KRTCAP2: variants seen among roughly 807,000 people sequenced by gnomAD.
KRTCAP2 encodes keratinocyte associated protein 2.
Under a neutral mutation model 16.5 loss-of-function variants are expected in KRTCAP2, and 10 were observed. The observed-to-expected ratio is 0.60, with a 90% CI of 0.37 to 1.02. The LOEUF (loss-of-function observed/expected upper bound fraction) is 1.02. Among genes scored for constraint, KRTCAP2 ranks in the 50% least tolerant of loss-of-function variants. KRTCAP2 has a pLI of 0.01. For synonymous variants in KRTCAP2, 68 were observed against 69.8 expected (o/e 0.97, Z 0.13); for missense variants, 152 against 159.6 (o/e 0.95, Z 0.26).
At chr1:155,173,113 G>A (rs879381496) in intron 1 of KRTCAP2, 108 bp downstream of exon 1, 8 of 1,111,500 alleles carry the variant, frequency 7.2e-6, no homozygotes, top group African/African-American at 1.6e-5. Flanking sequence ...GCCCGCTCCC[G>A]GTGGAACCCA....
In KRTCAP2 at chr1:155,172,755, A is replaced by G; in HGVS notation, c.142T>C (p.Phe48Leu). ...IQGGLLGSGL[F>L]VFSLTAFNNL... ...GAGGATACAGTGAGCGAGAACACGAAGAGACCCGAACCAAGCAGGCCGCCC... is the reference window on the plus strand; with the variant it reads ...GAGGATACAGTGAGCGAGAACACGAGGAGACCCGAACCAAGCAGGCCGCCC... The change falls in exon 2 of 5, where the codon TTC becomes CTC. Residue 48 changes from phenylalanine to leucine, a missense_variant. Phe to Leu is a conservative substitution (Grantham distance 22). Transcript: ENST00000295682. 1 of 1,614,196 alleles carries G rather than the reference A, an allele frequency of 6.2e-7. No homozygotes were observed. The highest frequency in any genetic ancestry group is 8.5e-7 in the Non-Finnish European group (1 of 1,180,038).
chr1:155,173,187 T>C (rs1186160398), intron 1 of KRTCAP2, 34 bp downstream of exon 1: 2 of 1,587,312 alleles, frequency 1.3e-6, no homozygotes, highest in Non-Finnish European at 1.7e-6. Flanking sequence ...CGACCCCCTC[T>C]AGGACTTCCT....
In KRTCAP2 at chr1:155,173,282, G is replaced by C. The variant is rs748190475; in HGVS notation, c.-58C>G. On this transcript the variant is annotated 5_prime_UTR_variant, in exon 1 of 5. Coordinates refer to ENST00000295682, the MANE Select transcript of KRTCAP2 (RefSeq NM_173852.4). ...TGGCCAAGAAAGGCGAGCTGAACCG[G>C]GTGCGGTTAGCTATGCGCATGCGTC... The C allele has an allele frequency of 3.1e-6, 5 of 1,613,920 alleles. No individual in the cohort carries two copies. Among genetic ancestry groups the C allele is most frequent in the African/African-American group, 2.7e-5 (2 of 74,946 alleles).
intron 3 of KRTCAP2, chr1:155,171,281 TG>T: frequency 5.7e-6 from 1 of 176,056 alleles, no homozygotes; most frequent in Non-Finnish European, 1.1e-5. Flanking sequence ...TAGCCAGTTA[TG>T]GTGGCGCACG....
At chr1:155,171,724 G>T in intron 3 of KRTCAP2, 1 of 503,036 alleles carries the variant, frequency 2.0e-6, no homozygotes, top group Non-Finnish European at 2.6e-6. Flanking sequence ...TGGGTGTGGT[G>T]GCACTCACTG....
Position 155,172,263 on chromosome 1 carries a change from G to A in KRTCAP2, c.223+302C>T. On this transcript the variant is annotated intron_variant, in intron 3 of 4. Coordinates refer to ENST00000295682, the MANE Select transcript of KRTCAP2 (RefSeq NM_173852.4). ...CTGCTGCTTCTTCTGGTGGGAACAAGGACCGCCTCCCAGCGAATAGATGCA... is the reference window on the plus strand; with the variant it reads ...CTGCTGCTTCTTCTGGTGGGAACAAAGACCGCCTCCCAGCGAATAGATGCA... The A allele has an allele frequency of 4.0e-6, 5 of 1,245,380 alleles. No homozygotes were observed. The South Asian group carries it at 8.4e-5, about 21-fold the overall frequency. The allele number at this position is 1,245,380 out of a possible 1,614,324, so 77.1% of individuals were successfully genotyped here.
chr1:155,172,531 A>G (rs2147769109), intron 3 of KRTCAP2, 34 bp downstream of exon 3: 1 of 1,614,210 alleles, frequency 6.2e-7, no homozygotes. Context: ...AAAGAGGAGA[A>G]AGTTCAAATA....
At chr1:155,171,172 A>G (rs1343633299) in intron 3 of KRTCAP2, 2 of 152,110 alleles carry the variant, frequency 1.3e-5, no homozygotes, top group African/African-American at 4.8e-5. Flanking sequence ...TAATCCCAGC[A>G]CTCTGGGAGG....
intron 3 of KRTCAP2, 121 bp from the exon 4 acceptor site, chr1:155,169,978 A>G (rs1665188514): frequency 1.5e-6 from 1 of 662,194 alleles, no homozygotes; most frequent in Middle Eastern, 3.2e-4. Flanking sequence ...TAGAAGGGTA[A>G]GCGTGACTAC....
rs1465085003 is a variant in KRTCAP2, at chr1:155,169,746, A to G, written c.290+45T>C. On this transcript the variant is annotated intron_variant, in intron 4 of 4. Transcript: ENST00000295682. The stretch of plus-strand genomic sequence containing the variant: ...CACCATCACAGTAAGATCCAATGCC[A>G]AAAAACGGAATGCTACACCCCTTAC... 6 of 1,528,138 alleles carry G rather than the reference A, an allele frequency of 3.9e-6. No homozygotes were observed. The Admixed American group carries it at 1.1e-4, about 29-fold the overall frequency. The allele number at this position is 1,528,138 out of a possible 1,614,324, so 94.7% of individuals were successfully genotyped here.
intron 3 of KRTCAP2, chr1:155,171,851 A>C: frequency 1.3e-6 from 1 of 792,372 alleles, no homozygotes; most frequent in Non-Finnish European, 1.5e-6. Flanking sequence ...TTGTCTCAAA[A>C]AAAAAAAAAA....
intron 3 of KRTCAP2, chr1:155,171,960 G>C (rs567109296): frequency 1.0e-6 from 1 of 986,098 alleles, no homozygotes; most frequent in African/African-American, 1.7e-5. Flanking sequence ...TTCTGAGCAC[G>C]TGGCATTCCT....
intron 3 of KRTCAP2, chr1:155,171,354 G>A: frequency 6.2e-6 from 4 of 647,866 alleles, no homozygotes; most frequent in Non-Finnish European, 7.7e-6. Context: ...GGGAGGCAGA[G>A]GCTCCAGTGA....
At chr1:155,169,655 G>C (rs776836124) in intron 4 of KRTCAP2, 95 bp from the exon 5 acceptor site, 82 of 1,492,356 alleles carry the variant, frequency 5.5e-5, no homozygotes, top group Non-Finnish European at 7.3e-5. Flanking sequence ...AAGAATCCAA[G>C]TTCAAGTTTA....
Position 155,169,772 on chromosome 1 carries a change from C to A in KRTCAP2, c.290+19G>T. The A allele has an allele frequency of 6.3e-7, 1 of 1,583,076 alleles. No individual in the cohort carries two copies. Among genetic ancestry groups the A allele is most frequent in the East Asian group, 2.3e-5 (1 of 43,920 alleles). On this transcript the variant is annotated intron_variant, in intron 4 of 4. Coordinates refer to ENST00000295682, the MANE Select transcript of KRTCAP2 (RefSeq NM_173852.4). ...AAAAACGGAATGCTACACCCCTTAC[C>A]CAGCTGTCAAGAACATACCAGGTGG...
At chr1:155,172,372 G>A (rs960285436) in intron 3 of KRTCAP2, 193 bp downstream of exon 3, 3 of 1,430,890 alleles carry the variant, frequency 2.1e-6, no homozygotes, top group Non-Finnish European at 2.7e-6. Flanking sequence ...GCTTTCAAAG[G>A]CCTTCTCTTC....
In KRTCAP2 at chr1:155,172,791, G is replaced by C. The variant is rs1571720057; in HGVS notation, c.106C>G (p.Leu36Val). The change falls in exon 2 of 5, where the codon CTC becomes GTC. Residue 36 changes from leucine (L) to valine (V), a missense_variant. Leu to Val is a conservative substitution (Grantham distance 32). Coordinates refer to ENST00000295682, the MANE Select transcript of KRTCAP2 (RefSeq NM_173852.4). ...CCAAGCAGGCCGCCCTGGATGGTGAGCCACTCGGTGGAGGCCAGCTGACGG... is the reference window on the plus strand; with the variant it reads ...CCAAGCAGGCCGCCCTGGATGGTGACCCACTCGGTGGAGGCCAGCTGACGG... ...YSRQLASTEW[L>V]TIQGGLLGSG... The C allele has an allele frequency of 6.2e-7, 1 of 1,614,262 alleles. No individual in the cohort carries two copies. Among genetic ancestry groups the C allele is most frequent in the Non-Finnish European group, 8.5e-7 (1 of 1,180,048 alleles).
At chr1:155,170,407 T>A (rs4971088) in intron 3 of KRTCAP2, 83,963 of 150,220 alleles carry the variant, frequency 0.56, 24,112 homozygotes, top group East Asian at 0.8. Flanking sequence ...CTCTGCCCCA[T>A]ATCTCACATA....
chr1:155,169,557 G>A lies in KRTCAP2; in HGVS notation c.294C>T (p.Phe98=). 2 of 1,614,038 alleles carry A rather than the reference G, an allele frequency of 1.2e-6. No homozygotes were observed. Among genetic ancestry groups the A allele is most frequent in the Non-Finnish European group, 1.7e-6 (2 of 1,179,962 alleles). Residue 98 remains phenylalanine (F), a synonymous_variant, in exon 5 of 5, where the codon TTC becomes TTT. Coordinates refer to ENST00000295682, the MANE Select transcript of KRTCAP2 (RefSeq NM_173852.4). ...AGTACAGACCAACCATGGAGAAGAT[G>A]AAGCTATATGGTGAAGACAGAAAGG... The part of the protein sequence containing the change: ...LIHRVCVTTC[F]IFSMVGLYYI...
Sources: gnomAD v4.1 joint callset for allele counts on GRCh38, gnomAD v4.1.1 for gene constraint, MANE v1.5 for transcripts, NCBI Gene and HGNC (gene_info 2026-07-23, HGNC 2026-07-21) for gene names.